The following VPS26C variants were observed in gnomAD, a reference collection of about 807,000 sequenced individuals.
VPS26C encodes the protein VPS26 endosomal protein sorting factor C, also known as vacuolar protein sorting-associated protein 26C.
Under a neutral mutation model 30.6 loss-of-function variants are expected in VPS26C, and 19 were observed. The ratio of observed to expected loss-of-function variants is 0.62; its 90% CI spans 0.43 to 0.91. The LOEUF (loss-of-function observed/expected upper bound fraction) is 0.91, where lower values mean the gene tolerates loss of function less well. Ranked by LOEUF, VPS26C falls within the 40% of genes least tolerant of loss-of-function variation. The probability of loss-of-function intolerance (pLI) is 0.00; values close to 1 mark genes in which losing one functional copy is unlikely to be tolerated. For missense variants in VPS26C, 318 were observed against 385.1 expected, an observed-to-expected ratio of 0.83 and a Z score of 1.46; for synonymous variants, 132 against 151.5, an observed-to-expected ratio of 0.87 and a Z score of 0.95.
chr21:37,225,657 T>C (rs2085891475), intron 7 of VPS26C, 31 bp from the exon 8 acceptor site: 1 of 1,583,074 alleles, frequency 6.3e-7, no homozygotes, highest in Non-Finnish European at 8.7e-7. Context: ...GGGTTTGTGC[T>C]CACTGTTACC....
chr21:37,252,699 T>G (rs1351851790), intron 1 of VPS26C, among the ~76,000 whole-genome samples: 2 of 152,220 alleles, frequency 1.3e-5, no homozygotes, highest in African/African-American at 2.4e-5. Flanking sequence ...GGTGAATAGA[T>G]GAACAAACTG....
rs1480268108 is a variant in VPS26C, at chr21:37,233,070, T to C, written c.432+292A>G. ...GGCATTTTTTATCCAGGGGCTGGGA[T>C]GCAAAGGGCCAGTCTACCATCCAGA... On this transcript the variant is annotated intron_variant, in intron 4 of 7. Coordinates refer to ENST00000309117, the MANE Select transcript of VPS26C (RefSeq NM_006052.2). This position sits in a 1 kb window ranked among gnomAD's most constrained non-coding sequence, Gnocchi z 5.2. 6.6e-6 allele frequency among the ~76,000 whole-genome samples: 1 copy of C among 152,172 alleles called. No individual in the cohort carries two copies. The highest frequency in any genetic ancestry group is 1.5e-5 in the Non-Finnish European group (1 of 68,028).
At chr21:37,258,166 A>T (rs1026162821) in intron 1 of VPS26C, among the ~76,000 whole-genome samples, 1 of 152,222 alleles carries the variant, frequency 6.6e-6, no homozygotes, top group Non-Finnish European at 1.5e-5. Context: ...CAGTGACTTC[A>T]GTGAGTGCCA....
chr21:37,264,809 A>G (rs944008438), intron 1 of VPS26C, among the ~76,000 whole-genome samples: 7 of 152,208 alleles, frequency 4.6e-5, no homozygotes, highest in Non-Finnish European at 8.8e-5. Flanking sequence ...AGAGAAATGA[A>G]AACATCCTCT....
chr21:37,239,229 C>T (rs1003713871), intron 2 of VPS26C, among the ~76,000 whole-genome samples: 10 of 152,130 alleles, frequency 6.6e-5, no homozygotes, highest in African/African-American at 2.2e-4. Context: ...ATCAGTGGCT[C>T]GGAGAAGACC....
chr21:37,251,474 C>CT (rs902403152), intron 1 of VPS26C, among the ~76,000 whole-genome samples: 50 of 152,142 alleles, frequency 3.3e-4, no homozygotes, highest in African/African-American at 1.1e-3. Flanking sequence ...ATACATTCTA[C>CT]TTTTTTTTAA....
Position 37,233,505 on chromosome 21 carries a change from A to G in VPS26C, c.352-63T>C, listed in dbSNP as rs1239899202. 8.5e-7 allele frequency: 1 copy of G among 1,182,532 alleles called. No individual in the cohort carries two copies. Among genetic ancestry groups the G allele is most frequent in the Non-Finnish European group, 1.3e-6 (1 of 789,042 alleles). 73.3% of individuals were successfully genotyped at this position (1,182,532 alleles called of 1,614,324 possible). A position where few individuals can be genotyped will look rare whatever the true frequency, so the allele number is the denominator to read the frequency against. ...TGGGATTTGCTTTCATCTTGGAATT[A>G]TATTCAAAGAGACAAGTCAGTCAAC... On this transcript the variant is annotated intron_variant, in intron 3 of 7. Coordinates refer to ENST00000309117, the MANE Select transcript of VPS26C (RefSeq NM_006052.2). The surrounding 1 kb of genome is among the most constrained non-coding windows in gnomAD (Gnocchi z 5.2).
At chr21:37,266,012 G>A (rs2086357386) in intron 1 of VPS26C, among the ~76,000 whole-genome samples, 1 of 147,884 alleles carries the variant, frequency 6.8e-6, no homozygotes, top group African/African-American at 2.5e-5. Context: ...CCGCCTCCCG[G>A]GTTCCAGCGA....
Position 37,253,817 on chromosome 21 carries a change from C to T in VPS26C, c.58-13178G>A, listed in dbSNP as rs530705992. Among the ~76,000 whole-genome samples, 5 of 152,300 alleles carry T rather than the reference C, an allele frequency of 3.3e-5. No individual in the cohort carries two copies. In the South Asian group the frequency reaches 1.0e-3, roughly 32 times the overall value. ...ACATGACATTCAAAGAAGACCCTCA[C>T]TGGAGCATTTCGGATTCTGGATTTT... is the stretch of plus-strand genomic sequence containing the variant. On this transcript the variant is annotated intron_variant, in intron 1 of 7. Coordinates refer to ENST00000309117, the MANE Select transcript of VPS26C (RefSeq NM_006052.2).
At chr21:37,244,224 G>A (rs376590247) in intron 1 of VPS26C, among the ~76,000 whole-genome samples, 17 of 152,368 alleles carry the variant, frequency 1.1e-4, no homozygotes, top group African/African-American at 4.1e-4. Context: ...TTTGTTCAAA[G>A]GGGGGCAAAA....
chr21:37,267,364 G>T, upstream of VPS26C: 1 of 1,411,052 alleles, frequency 7.1e-7, no homozygotes, highest in Non-Finnish European at 1.0e-6. Context: ...GCGCCTCCCC[G>T]CTTCGTTCTG....
At chr21:37,228,524 T>G (rs1321636766) in intron 5 of VPS26C, 151 bp from the exon 6 acceptor site, 7 of 763,818 alleles carry the variant, frequency 9.2e-6, no homozygotes, top group Non-Finnish European at 1.5e-5. Flanking sequence ...AGGAGCGAAG[T>G]ACTGACGTCT....
At chr21:37,252,704 A>G (rs1023346) in intron 1 of VPS26C, among the ~76,000 whole-genome samples, 132,331 of 152,236 alleles carry the variant, frequency 0.87, 57,706 homozygotes, top group African/African-American at 0.92. Context: ...ATAGATGAAC[A>G]AACTGTGATA....
At chr21:37,255,330 G>A (rs138315512) in intron 1 of VPS26C, among the ~76,000 whole-genome samples, 1 of 152,262 alleles carries the variant, frequency 6.6e-6, no homozygotes, top group Non-Finnish European at 1.5e-5. Context: ...CAAAGGAAGA[G>A]CTAATTTTGG....
chr21:37,232,370 G>A lies in VPS26C; in HGVS notation c.507+7C>T, dbSNP rs557685861. On this transcript the variant is annotated splice_region_variant and intron_variant, in intron 5 of 7. Coordinates refer to ENST00000309117, the MANE Select transcript of VPS26C (RefSeq NM_006052.2). Reference sequence around the variant, plus strand: ...CCCACGGCATTCGCCTGTGCAGGACGTCTTACCTCTTTGACGTTCTGTAAG... The same window carrying A: ...CCCACGGCATTCGCCTGTGCAGGACATCTTACCTCTTTGACGTTCTGTAAG... 97 of 1,613,508 alleles carry A rather than the reference G, an allele frequency of 6.0e-5. No homozygotes were observed. In the East Asian group the frequency reaches 1.7e-3, roughly 29 times the overall value.
chr21:37,252,679 G>A (rs997848038), intron 1 of VPS26C, among the ~76,000 whole-genome samples: 10 of 152,150 alleles, frequency 6.6e-5, no homozygotes, highest in African/African-American at 1.9e-4. Flanking sequence ...TCACCCAAAC[G>A]TCTTCTACAG....
intron 1 of VPS26C, among the ~76,000 whole-genome samples, chr21:37,260,130 C>G (rs2086289315): frequency 6.6e-6 from 1 of 152,138 alleles, no homozygotes; most frequent in East Asian, 1.9e-4. Flanking sequence ...TCATCAGTCC[C>G]CCTGGCATGT....
At position 37,257,300 on chromosome 21, in the gene VPS26C, A is replaced by C. The variant is rs1169766099; in HGVS notation, c.57+9938T>G. ...ACTGACCTCTCCCTGCGCTCTGGACAGGCAAACAGGCAAGGTTCCCTCTGA... is the reference window on the plus strand; with the variant it reads ...ACTGACCTCTCCCTGCGCTCTGGACCGGCAAACAGGCAAGGTTCCCTCTGA... On this transcript the variant is annotated intron_variant, in intron 1 of 7. Transcript: ENST00000309117. This position sits in a 1 kb window ranked among gnomAD's most constrained non-coding sequence, Gnocchi z 4.2. Among the ~76,000 whole-genome samples, 1 of 152,246 alleles carries C rather than the reference A, an allele frequency of 6.6e-6. No individual in the cohort carries two copies. The highest frequency in any genetic ancestry group is 2.4e-5 in the African/African-American group (1 of 41,468).
rs1290773018 is a variant in VPS26C at position 37,233,780 on chromosome 21, C to T, written c.352-338G>A. ...AAAGGGCAGTGCGCTCAGGAGCAGA[C>T]GCCAGGCCAGATCCCGTTGTTGTCT... On this transcript the variant is annotated intron_variant, in intron 3 of 7. Coordinates refer to ENST00000309117, the MANE Select transcript of VPS26C (RefSeq NM_006052.2). The surrounding 1 kb of genome is among the most constrained non-coding windows in gnomAD (Gnocchi z 5.2). Among the ~76,000 whole-genome samples, 5 of 152,188 alleles carry T rather than the reference C, an allele frequency of 3.3e-5. No individual in the cohort carries two copies. Among genetic ancestry groups the T allele is most frequent in the Admixed American group, 6.5e-5 (1 of 15,282 alleles).
Sources: gnomAD v4.1 joint callset for allele counts (sites outside exome capture counted in the v4.1 genomes callset) on GRCh38, gnomAD v4.1.1 for gene constraint, Gnocchi (gnomAD v3.1) non-coding constraint, MANE v1.5 for transcripts, NCBI Gene and HGNC (gene_info 2026-07-23, HGNC 2026-07-21) for gene names.